The following DTNB variants were observed in gnomAD, a reference collection of about 807,000 sequenced individuals.
The protein encoded by DTNB is DTN-B.
In DTNB, 63 loss-of-function variants were observed where a neutral mutation model predicts 90.7. That is an observed-to-expected ratio of 0.69 (90% confidence interval 0.57 to 0.86). The LOEUF is 0.86. DTNB is among the 40% of genes least tolerant of loss of function. DTNB has a pLI of 0.00. For synonymous variants in DTNB, 277 were observed against 286.7 expected, an observed-to-expected ratio of 0.97 and a Z score of 0.34; for missense variants, 744 against 807.1, an observed-to-expected ratio of 0.92 and a Z score of 0.95.
intron 1 of DTNB, among the ~76,000 whole-genome samples, chr2:25,655,128 G>A (rs1255354739): frequency 6.6e-6 from 1 of 152,214 alleles, no homozygotes; most frequent in Non-Finnish European, 1.5e-5. Context: ...CCTGAAGACA[G>A]ACTGTGCTAA....
chr2:25,404,887 A>G (rs1034216767), intron 16 of DTNB, among the ~76,000 whole-genome samples: 3 of 152,070 alleles, frequency 2.0e-5, no homozygotes, highest in Non-Finnish European at 4.4e-5. Flanking sequence ...CACAGATAGG[A>G]AAACTACACA....
At chr2:25,444,919 TATAAG>T (rs1393252272) in intron 12 of DTNB, among the ~76,000 whole-genome samples, 2 of 152,114 alleles carry the variant, frequency 1.3e-5, no homozygotes, top group Admixed American at 6.5e-5. Context: ...GCTCAATAGT[TATAAG>T]ATAACTACAC....
chr2:25,464,884 G>A (rs1257755367), intron 10 of DTNB, among the ~76,000 whole-genome samples: 1 of 152,044 alleles, frequency 6.6e-6, no homozygotes, highest in African/African-American at 2.4e-5. Context: ...AATAAGGGAA[G>A]ACTAAGAAAC....
At chr2:25,520,199 T>C (rs1430603652) in intron 9 of DTNB, among the ~76,000 whole-genome samples, 2 of 152,072 alleles carry the variant, frequency 1.3e-5, no homozygotes, top group Non-Finnish European at 2.9e-5. Context: ...CCGGACAACA[T>C]GGTGAAACCC....
chr2:25,659,228 C>T (rs755522910), intron 1 of DTNB, among the ~76,000 whole-genome samples: 3 of 152,188 alleles, frequency 2.0e-5, no homozygotes, highest in Non-Finnish European at 4.4e-5. Flanking sequence ...GACTGAGCAA[C>T]ACTATCAACC....
chr2:25,540,790 A>T (rs1427416852), intron 8 of DTNB, among the ~76,000 whole-genome samples: 2 of 152,158 alleles, frequency 1.3e-5, no homozygotes, highest in Non-Finnish European at 2.9e-5. Flanking sequence ...CTCAGGGTTA[A>T]ATGGATTAAG....
chr2:25,379,345 C>T, intron 19 of DTNB, 22 bp from the exon 20 acceptor site: 2 of 1,313,560 alleles, frequency 1.5e-6, no homozygotes, highest in Non-Finnish European at 9.8e-7. Context: ...TGGGCAGAAA[C>T]AACACACTGA....
chr2:25,508,089 T>C (rs962062925), intron 9 of DTNB, among the ~76,000 whole-genome samples: 1 of 152,216 alleles, frequency 6.6e-6, no homozygotes, highest in Non-Finnish European at 1.5e-5. Flanking sequence ...TTTCCCTATT[T>C]TGCTGTTCTA....
chr2:25,548,584 T>C (rs561979211), intron 8 of DTNB, among the ~76,000 whole-genome samples: 48 of 152,136 alleles, frequency 3.2e-4, no homozygotes, highest in African/African-American at 9.9e-4. Context: ...CAAGTTTGCC[T>C]GGTGTGTTGA....
rs572238576 is a variant in DTNB at position 25,648,985 on chromosome 2, C to A, written c.67+3609G>T. ...TGAAAATCAAAAACAAGACGCTATC[C>A]TTCCTACCTTTTTTTTTTTTTTTTT... On this transcript the variant is annotated intron_variant, in intron 2 of 20. Coordinates refer to ENST00000406818, the MANE Select transcript of DTNB (RefSeq NM_021907.5). Among the ~76,000 whole-genome samples, 14 of 147,032 alleles carry A rather than the reference C, an allele frequency of 9.5e-5. No homozygotes were observed. In the South Asian group the frequency reaches 3.0e-3, roughly 31 times the overall value.
intron 8 of DTNB, among the ~76,000 whole-genome samples, chr2:25,558,915 T>C (rs1470108155): frequency 6.6e-6 from 1 of 152,158 alleles, no homozygotes; most frequent in African/African-American, 2.4e-5. Flanking sequence ...AAGCAGTCAC[T>C]TTAGCTCTAA....
At position 25,488,306 on chromosome 2, in the gene DTNB, C is replaced by T. The variant is rs187054418; in HGVS notation, c.1002-5433G>A. On this transcript the variant is annotated intron_variant, in intron 9 of 20. Transcript: ENST00000406818. Reference sequence around the variant, plus strand: ...GTAAGAGAGGGTGACTGATTAAGTACGCAGGGTTAGGGAATAAAGAATAAG... The same window carrying T: ...GTAAGAGAGGGTGACTGATTAAGTATGCAGGGTTAGGGAATAAAGAATAAG... Among the ~76,000 whole-genome samples, 23 of 152,034 alleles carry T rather than the reference C, an allele frequency of 1.5e-4. 1 individual carries two copies. The East Asian group carries it at 2.5e-3, about 17-fold the overall frequency.
At chr2:25,568,759 C>T (rs73922426) in intron 8 of DTNB, among the ~76,000 whole-genome samples, 10,204 of 152,226 alleles carry the variant, frequency 0.067, 1,104 homozygotes, top group African/African-American at 0.23. Context: ...AATGTCTCCA[C>T]CACACAGGCA....
At chr2:25,444,251 G>A (rs746820463) in intron 12 of DTNB, among the ~76,000 whole-genome samples, 1 of 152,070 alleles carries the variant, frequency 6.6e-6, no homozygotes, top group Non-Finnish European at 1.5e-5. Context: ...ATTTAGGACC[G>A]GGCGCGGTGG....
intron 16 of DTNB, among the ~76,000 whole-genome samples, chr2:25,406,769 T>G (rs2045303103): frequency 6.6e-6 from 1 of 151,982 alleles, no homozygotes; most frequent in African/African-American, 2.4e-5. Context: ...TTTTCCTGGG[T>G]GGTGAGCTGC....
chr2:25,391,581 A>C (rs1461917466), intron 16 of DTNB, among the ~76,000 whole-genome samples: 1 of 151,846 alleles, frequency 6.6e-6, no homozygotes, highest in Non-Finnish European at 1.5e-5. Flanking sequence ...ATAATAAAAA[A>C]GACAGGTAAT....
At chr2:25,380,345 A>C (rs983547240) in intron 19 of DTNB, among the ~76,000 whole-genome samples, 2 of 152,218 alleles carry the variant, frequency 1.3e-5, no homozygotes, top group African/African-American at 4.8e-5. Flanking sequence ...GCAGAGAATC[A>C]GGAGGTCCAC....
intron 8 of DTNB, among the ~76,000 whole-genome samples, chr2:25,564,351 C>T (rs567728501): frequency 6.6e-6 from 1 of 152,122 alleles, no homozygotes; most frequent in African/African-American, 2.4e-5. Flanking sequence ...ATGAACACAG[C>T]ATGTCTATTT....
intron 8 of DTNB, among the ~76,000 whole-genome samples, chr2:25,546,419 G>A (rs1402497806): frequency 6.6e-6 from 1 of 152,160 alleles, no homozygotes; most frequent in Non-Finnish European, 1.5e-5. Flanking sequence ...CCAGAGCCTG[G>A]CTGCTGGATA....
Sources: allele counts gnomAD v4.1 joint callset (sites outside exome capture counted in the v4.1 genomes callset), GRCh38; gene constraint gnomAD v4.1.1; transcripts MANE v1.5; gene names NCBI Gene and HGNC (gene_info 2026-07-23, HGNC 2026-07-21).